Variants in PAN2 observed in about 807,000 individuals in gnomAD.
PAN2 encodes the protein PAN2-PAN3 deadenylation complex catalytic subunit PAN2.
Under a neutral mutation model 133.3 loss-of-function variants are expected in PAN2, and 68 were observed. The ratio of observed to expected loss-of-function variants is 0.51; its 90% CI spans 0.42 to 0.62. The LOEUF is 0.62. Ranked by LOEUF, PAN2 falls within the 20% of genes least tolerant of loss-of-function variation. PAN2 has a pLI of 0.00. For missense variants in PAN2, 1,042 were observed against 1,500.5 expected, an observed-to-expected ratio of 0.69 and a Z score of 5.05; for synonymous variants, 462 against 544.6, an observed-to-expected ratio of 0.85 and a Z score of 2.11.
chr12:56,317,870 A>G (rs1874078397), intron 25 of PAN2, among the ~76,000 whole-genome samples: 2 of 152,244 alleles, frequency 1.3e-5, no homozygotes, highest in Admixed American at 6.5e-5. Flanking sequence ...GCTATTCTCC[A>G]TATGTGCAAT....
In PAN2 at chr12:56,327,635, GA is replaced by G. The variant is rs3215077; in HGVS notation, c.652-5del. ...TACGGAGGTCTCTCAGGGAAACCTAGAAAAAAAAAATTCAGTTATCTGCAAA... is the reference window on the plus strand; with the variant it reads ...TACGGAGGTCTCTCAGGGAAACCTAGAAAAAAAAATTCAGTTATCTGCAAA... On this transcript the variant is annotated splice_region_variant and splice_polypyrimidine_tract_variant and intron_variant, in intron 5 of 25. Transcript: ENST00000440411. 340 of 1,554,960 alleles carry G rather than the reference GA, an allele frequency of 2.2e-4. 1 individual carries two copies. The highest frequency in any genetic ancestry group is 2.1e-3 in the African/African-American group (152 of 72,192).
At chr12:56,326,595 T>A in intron 7 of PAN2, 22 bp downstream of exon 7, 1 of 1,594,710 alleles carries the variant, frequency 6.3e-7, no homozygotes, top group Non-Finnish European at 8.6e-7. Context: ...TCCCGCCTTT[T>A]GGCCCAGAGG....
chr12:56,327,548 A>G lies in PAN2; in HGVS notation c.735T>C (p.His245=). The change falls in exon 6 of 26, where the codon CAT becomes CAC. Residue 245 remains histidine, a synonymous_variant. Transcript: ENST00000440411. The part of the protein sequence containing the change: ...FSGSLSDFDV[H]GNLLAACGFS... ...AGCCACAGGCAGCTAGCAGGTTGCC[A>G]TGCACATCAAAGTCTGACAGACTTC... 2 of 1,614,252 alleles carry G rather than the reference A, an allele frequency of 1.2e-6. No individual in the cohort carries two copies. The highest frequency in any genetic ancestry group is 1.7e-6 in the Non-Finnish European group (2 of 1,180,034).
chr12:56,324,872 G>A, intron 10 of PAN2, 137 bp downstream of exon 10: 1 of 1,371,084 alleles, frequency 7.3e-7, no homozygotes, highest in Non-Finnish European at 1.0e-6. Context: ...GAAAGTTGTA[G>A]AGGCAAGAAA....
chr12:56,318,167 A>G, intron 25 of PAN2, 70 bp downstream of exon 25: 1 of 1,293,184 alleles, frequency 7.7e-7, no homozygotes, highest in Non-Finnish European at 1.1e-6. Context: ...ACAGAGTGAG[A>G]CCCTGTCACA....
At chr12:56,328,937 A>C (rs113931679) in intron 2 of PAN2, among the ~76,000 whole-genome samples, 144 of 152,302 alleles carry the variant, frequency 9.5e-4, no homozygotes, top group African/African-American at 3.2e-3. Context: ...CAGTATATAG[A>C]AGGTCAGGGA....
Position 56,324,148 on chromosome 12 carries a change from G to A in PAN2, c.1966C>T (p.Leu656Phe), listed in dbSNP as rs1874862009. Residue 656 changes from leucine to phenylalanine, a missense_variant, in exon 13 of 26, where the codon CTC (leucine) becomes TTC (phenylalanine). Leu to Phe is a conservative substitution (Grantham distance 22). Around this residue, in one of 3 missense-constraint regions of PAN2, gnomAD observed 908 missense variants for 1,223.5 expected, o/e 0.74. Coordinates refer to ENST00000440411, the MANE Select transcript of PAN2 (RefSeq NM_014871.6). ...CSSGDSVIGQ[L>F]FSCEMENCSL... ...CAGTTCTCCATCTCACAGCTGAAGAGCTGCCCAATAACAGAGTCCCCCGAT... is the reference window on the plus strand; with the variant it reads ...CAGTTCTCCATCTCACAGCTGAAGAACTGCCCAATAACAGAGTCCCCCGAT... 2.5e-6 allele frequency: 4 copies of A among 1,614,068 alleles called. No homozygotes were observed. Among genetic ancestry groups the A allele is most frequent in the Non-Finnish European group, 3.4e-6 (4 of 1,180,022 alleles).
Position 56,327,382 on chromosome 12 carries a change from C to T in PAN2, c.901G>A (p.Ala301Thr). ...RFIPTYTSRLAIISQSGQCQF... is the reference protein window; with the variant it reads ...RFIPTYTSRLTIISQSGQCQF... ...TTCATACCTGACTGAGAGATGATAG[C>T]AAGACGAGAAGTATATGTAGGAATG... Residue 301 changes from alanine to threonine, a missense_variant, in exon 6 of 26, where the codon GCT (alanine) becomes ACT (threonine). Ala to Thr is a moderately conservative substitution (Grantham distance 58). Around this residue, in one of 3 missense-constraint regions of PAN2, gnomAD observed 908 missense variants for 1,223.5 expected, o/e 0.74. Coordinates refer to ENST00000440411, the MANE Select transcript of PAN2 (RefSeq NM_014871.6). The T allele has an allele frequency of 6.2e-7, 1 of 1,614,064 alleles. No homozygotes were observed. The highest frequency in any genetic ancestry group is 8.5e-7 in the Non-Finnish European group (1 of 1,179,976).
At chr12:56,322,012 C>A in intron 20 of PAN2, 66 bp downstream of exon 20, 1 of 806,730 alleles carries the variant, frequency 1.2e-6, no homozygotes. Flanking sequence ...CAAGCAATGT[C>A]CCAGATCTCA....
In PAN2 at chr12:56,322,053, C is replaced by A. The variant is rs1197899703; in HGVS notation, c.2788+25G>T. The A allele has an allele frequency of 3.8e-6, 5 of 1,303,848 alleles. No homozygotes were observed. In the East Asian group the frequency reaches 9.3e-5, roughly 24 times the overall value. The allele number at this position is 1,303,848 out of a possible 1,614,324, so 80.8% of individuals were successfully genotyped here. ...AAGCCCAATCTAAACTGTCCACACA[C>A]TTGGGTCTACTATGTAGCACTTACT... On this transcript the variant is annotated intron_variant, in intron 20 of 25. Coordinates refer to ENST00000440411, the MANE Select transcript of PAN2 (RefSeq NM_014871.6).
chr12:56,319,490 A>G lies in PAN2; in HGVS notation c.3091-3T>C. On this transcript the variant is annotated splice_region_variant and splice_polypyrimidine_tract_variant and intron_variant, in intron 22 of 25. Coordinates refer to ENST00000440411, the MANE Select transcript of PAN2 (RefSeq NM_014871.6). This position sits in a 1 kb window ranked among gnomAD's most constrained non-coding sequence, Gnocchi z 5.4. ...TATTGAGTCAAGTAATCCACCACCT[A>G]GGAATAGAGAAAAGGACAAGCCTTT... is the stretch of plus-strand genomic sequence containing the variant. 1 of 1,610,456 alleles carries G rather than the reference A, an allele frequency of 6.2e-7. No homozygotes were observed. The highest frequency in any genetic ancestry group is 1.7e-4 in the Middle Eastern group (1 of 6,042).
Position 56,323,529 on chromosome 12 carries a change from C to T in PAN2, c.2242G>A (p.Glu748Lys). 1 of 1,614,210 alleles carries T rather than the reference C, an allele frequency of 6.2e-7. No individual in the cohort carries two copies. The highest frequency in any genetic ancestry group is 8.5e-7 in the Non-Finnish European group (1 of 1,180,020). Reference sequence around the variant, plus strand: ...GCCTGCATTCTCCAGAAATCAGCCTCTTTTGAGCTGTTCACCTCACAATTG... The same window carrying T: ...GCCTGCATTCTCCAGAAATCAGCCTTTTTTGAGCTGTTCACCTCACAATTG... ...VINCEVNSSK[E>K]ADFWRMQAEV... Residue 748 changes from glutamate to lysine, a missense_variant, in exon 15 of 26, where the codon GAG becomes AAG. Glu to Lys is a moderately conservative substitution (Grantham distance 56, BLOSUM62 1). Coordinates refer to ENST00000440411, the MANE Select transcript of PAN2 (RefSeq NM_014871.6).
At chr12:56,327,335 T>G in intron 6 of PAN2, 29 bp downstream of exon 6, 3 of 1,612,050 alleles carry the variant, frequency 1.9e-6, no homozygotes, top group Non-Finnish European at 2.5e-6. Flanking sequence ...CATCGATCCC[T>G]CCTACCCAAT....
chr12:56,320,745 CTTTTTTTTTTTTTTT>C (rs764563787), intron 20 of PAN2, among the ~76,000 whole-genome samples: 1 of 115,196 alleles, frequency 8.7e-6, no homozygotes, highest in African/African-American at 3.6e-5. Flanking sequence ...CTTACAGCTG[CTTTTTTTTTTTTTTT>C]TTTTTTTTAA....
rs1874258540 is a variant in PAN2, at chr12:56,319,554, C to T, written c.3090+67G>A. Reference sequence around the variant, plus strand: ...ATGGAGTCTTCCCCTATCACTCTTCCCTGGGTTCTTGAGCACTGTAAGTAA... The same window carrying T: ...ATGGAGTCTTCCCCTATCACTCTTCTCTGGGTTCTTGAGCACTGTAAGTAA... On this transcript the variant is annotated intron_variant, in intron 22 of 25. Transcript: ENST00000440411. The surrounding 1 kb of genome is among the most constrained non-coding windows in gnomAD (Gnocchi z 5.4). The T allele has an allele frequency of 6.3e-7, 1 of 1,589,874 alleles. No individual in the cohort carries two copies. The highest frequency in any genetic ancestry group is 8.6e-7 in the Non-Finnish European group (1 of 1,167,568).
In PAN2 at chr12:56,318,268, C is replaced by T; in HGVS notation, c.3531G>A (p.Val1177=). ...YEKGRKMDWK[V]PEPEGQTSPK... The stretch of plus-strand genomic sequence containing the variant: ...GACTTGTTTGGCCCTCAGGCTCAGG[C>T]ACCTTCCAGTCCATCTTTCTGCCCT... The change falls in exon 25 of 26, where the codon GTG becomes GTA. Residue 1177 remains valine, a synonymous_variant. Coordinates refer to ENST00000440411, the MANE Select transcript of PAN2 (RefSeq NM_014871.6). 6.2e-7 allele frequency: 1 copy of T among 1,614,148 alleles called. No individual in the cohort carries two copies.
chr12:56,327,352 T>G lies in PAN2; in HGVS notation c.919+12A>C. On this transcript the variant is annotated intron_variant, in intron 6 of 25. Coordinates refer to ENST00000440411, the MANE Select transcript of PAN2 (RefSeq NM_014871.6). ...TCGATCCCTCCTACCCAATCCCATA[T>G]GCCCTTCATACCTGACTGAGAGATG... 6.2e-7 allele frequency: 1 copy of G among 1,613,732 alleles called. No homozygotes were observed. The highest frequency in any genetic ancestry group is 8.5e-7 in the Non-Finnish European group (1 of 1,179,640).
intron 8 of PAN2, 152 bp from the exon 9 acceptor site, chr12:56,325,606 C>T: frequency 1.2e-6 from 1 of 829,126 alleles, no homozygotes; most frequent in Non-Finnish European, 1.9e-6. Flanking sequence ...ATTTCCACTG[C>T]CATCACTCTG....
At chr12:56,320,802 C>T (rs532533314) in intron 20 of PAN2, among the ~76,000 whole-genome samples, 16 of 144,070 alleles carry the variant, frequency 1.1e-4, no homozygotes, top group African/African-American at 1.8e-4. Flanking sequence ...CTGTGGCTCA[C>T]GCCTGTAAAC....
Sources: gnomAD v4.1 joint callset for allele counts (sites outside exome capture counted in the v4.1 genomes callset) on GRCh38, gnomAD v4.1.1 for gene constraint, gnomAD v4.1.1 regional missense constraint, Gnocchi (gnomAD v3.1) non-coding constraint, MANE v1.5 for transcripts, NCBI Gene and HGNC (gene_info 2026-07-23, HGNC 2026-07-21) for gene names.